The following TEAD1 variants were observed in gnomAD, a reference collection of about 807,000 sequenced individuals.
TEAD1 encodes the protein transcriptional enhancer factor TEF-1.
In TEAD1, 9 loss-of-function variants were observed where a neutral mutation model predicts 54.9. The observed-to-expected ratio is 0.16, with a 90% confidence interval of 0.10 to 0.29. TEAD1 has a LOEUF of 0.29. TEAD1 is among the 10% of genes least tolerant of loss of function. The pLI, the probability that TEAD1 is intolerant of heterozygous loss-of-function variation, is 1.00. For synonymous variants in TEAD1, 200 were observed against 187.8 expected, an observed-to-expected ratio of 1.07 and a Z score of -0.53; for missense variants, 387 against 535.9, an observed-to-expected ratio of 0.72 and a Z score of 2.74.
intron 3 of TEAD1, among the ~76,000 whole-genome samples, chr11:12,842,834 TA>T (rs897983426): frequency 1.3e-5 from 2 of 152,202 alleles, no homozygotes; most frequent in Non-Finnish European, 2.9e-5. Flanking sequence ...ACACTAACTT[TA>T]AGAGAGTTAT....
chr11:12,712,127 T>C (rs551835394), intron 2 of TEAD1, among the ~76,000 whole-genome samples: 83 of 152,312 alleles, frequency 5.4e-4, no homozygotes, highest in Admixed American at 9.8e-4. Context: ...GGCAGTCTTT[T>C]TGAAGTATTT....
chr11:12,764,073 A>G, intron 2 of TEAD1, 106 bp from the exon 3 acceptor site: 1 of 718,770 alleles, frequency 1.4e-6, no homozygotes. Context: ...GAAATAATAA[A>G]ATGAAATGAA....
intron 3 of TEAD1, among the ~76,000 whole-genome samples, chr11:12,766,846 C>T (rs1242872466): frequency 6.6e-6 from 1 of 152,162 alleles, no homozygotes; most frequent in Non-Finnish European, 1.5e-5. Context: ...GTGGGTTTTT[C>T]AGCAAGTGGA....
intron 2 of TEAD1, among the ~76,000 whole-genome samples, chr11:12,692,839 G>A (rs780951294): frequency 2.6e-5 from 4 of 152,218 alleles, no homozygotes; most frequent in Admixed American, 6.5e-5. Flanking sequence ...GCCATGCAGC[G>A]CCTGCCAGCC....
chr11:12,723,942 A>G (rs1466844754), intron 2 of TEAD1, among the ~76,000 whole-genome samples: 1 of 152,228 alleles, frequency 6.6e-6, no homozygotes, highest in Admixed American at 6.5e-5. Context: ...CGCCATCCTC[A>G]GTATGACAGA....
At chr11:12,790,840 A>G (rs1312783495) in intron 3 of TEAD1, among the ~76,000 whole-genome samples, 4 of 152,222 alleles carry the variant, frequency 2.6e-5, no homozygotes, top group East Asian at 3.8e-4. Context: ...TCAGGTGACT[A>G]TGGTCAGAAA....
At chr11:12,884,096 G>T (rs532247846) in intron 9 of TEAD1, among the ~76,000 whole-genome samples, 1 of 152,006 alleles carries the variant, frequency 6.6e-6, no homozygotes, top group Non-Finnish European at 1.5e-5. Flanking sequence ...TTGGCATCTG[G>T]ACTCTATTTG....
chr11:12,900,300 A>C lies in TEAD1; in HGVS notation c.700-1640A>C, dbSNP rs143661666. 5.8e-3 allele frequency among the ~76,000 whole-genome samples: 883 copies of C among 151,632 alleles called. 7 individuals are homozygous for C. The highest frequency in any genetic ancestry group is 8.6e-3 in the Non-Finnish European group (586 of 67,920). On this transcript the variant is annotated intron_variant, in intron 9 of 12. Transcript: ENST00000527636. Reference sequence around the variant, plus strand: ...GGTCTCAAACTCTTGGGCTTGAATGAGTTTCCCTCCTTGGCCTTCCAAAGT... The same window carrying C: ...GGTCTCAAACTCTTGGGCTTGAATGCGTTTCCCTCCTTGGCCTTCCAAAGT...
intron 2 of TEAD1, among the ~76,000 whole-genome samples, chr11:12,681,683 A>T (rs1943224753): frequency 6.6e-6 from 1 of 152,186 alleles, no homozygotes. Flanking sequence ...CACCCATGTG[A>T]CCCTCATTCA....
At chr11:12,710,654 A>T (rs1291591025) in intron 2 of TEAD1, among the ~76,000 whole-genome samples, 1 of 152,178 alleles carries the variant, frequency 6.6e-6, no homozygotes, top group Non-Finnish European at 1.5e-5. Flanking sequence ...CACTGGGATG[A>T]CACTGTTGTA....
chr11:12,936,378 A>AT (rs1227718622), intron 12 of TEAD1, among the ~76,000 whole-genome samples: 1 of 152,216 alleles, frequency 6.6e-6, no homozygotes, highest in African/African-American at 2.4e-5. Context: ...TATGGAAAGA[A>AT]TGTCATTCCA....
At chr11:12,778,851 G>C (rs571747191) in intron 3 of TEAD1, among the ~76,000 whole-genome samples, 2 of 152,230 alleles carry the variant, frequency 1.3e-5, no homozygotes, top group Non-Finnish European at 2.9e-5. Flanking sequence ...TTTTCTGTTA[G>C]ATTGTTTTAT....
At chr11:12,850,114 A>C (rs990867401) in intron 3 of TEAD1, among the ~76,000 whole-genome samples, 3 of 152,214 alleles carry the variant, frequency 2.0e-5, no homozygotes, top group Admixed American at 6.5e-5. Context: ...GAAGACATAT[A>C]AACCTGGTGC....
At chr11:12,873,626 C>T (rs765223159) in intron 5 of TEAD1, among the ~76,000 whole-genome samples, 8 of 152,166 alleles carry the variant, frequency 5.3e-5, no homozygotes, top group Non-Finnish European at 1.0e-4. Flanking sequence ...CTGTCCTCTG[C>T]GTTAGCTGTT....
chr11:12,786,961 G>C (rs890319576), intron 3 of TEAD1, among the ~76,000 whole-genome samples: 3 of 152,180 alleles, frequency 2.0e-5, no homozygotes, highest in Non-Finnish European at 4.4e-5. Flanking sequence ...TCATGTGTTT[G>C]AGGACTGGTG....
chr11:12,745,194 CT>C (rs1055589743), intron 2 of TEAD1, among the ~76,000 whole-genome samples: 2 of 152,118 alleles, frequency 1.3e-5, no homozygotes, highest in Non-Finnish European at 2.9e-5. Context: ...ATAATGAGAG[CT>C]TTTATGGTAA....
chr11:12,870,631 A>C (rs528550242), intron 5 of TEAD1, among the ~76,000 whole-genome samples: 70 of 152,282 alleles, frequency 4.6e-4, no homozygotes, highest in African/African-American at 1.6e-3. Flanking sequence ...CACGCCTGTA[A>C]TCCTAGCACT....
intron 3 of TEAD1, among the ~76,000 whole-genome samples, chr11:12,768,541 A>G (rs1945253024): frequency 6.6e-6 from 1 of 152,238 alleles, no homozygotes; most frequent in African/African-American, 2.4e-5. Context: ...GAGGGGTAAA[A>G]TGGCTTGCAC....
chr11:12,705,996 A>G (rs1943806504), intron 2 of TEAD1, among the ~76,000 whole-genome samples: 1 of 152,212 alleles, frequency 6.6e-6, no homozygotes, highest in African/African-American at 2.4e-5. Flanking sequence ...AAATAGAGGG[A>G]GTTCCATTAA....
Sources: allele counts gnomAD v4.1 joint callset (sites outside exome capture counted in the v4.1 genomes callset), GRCh38; gene constraint gnomAD v4.1.1; transcripts MANE v1.5; gene names NCBI Gene and HGNC (gene_info 2026-07-23, HGNC 2026-07-21).